Variants in HECW1 observed in about 807,000 individuals in gnomAD.
HECW1 encodes HECT, C2 and WW domain containing E3 ubiquitin protein ligase 1, also known as E3 ubiquitin-protein ligase HECW1.
Under a neutral mutation model 182.3 loss-of-function variants are expected in HECW1, and 61 were observed. That is an observed-to-expected ratio of 0.33 (90% confidence interval 0.27 to 0.41). The LOEUF is 0.41. Ranked by LOEUF, HECW1 falls within the 10% of genes least tolerant of loss-of-function variation. HECW1 has a pLI of 1.00. For missense variants in HECW1, 1,739 were observed against 2,108.9 expected, an observed-to-expected ratio of 0.82 and a Z score of 3.44; for synonymous variants, 859 against 832.6, an observed-to-expected ratio of 1.03 and a Z score of -0.55.
In HECW1 at chr7:43,536,839, C is replaced by T. The variant is rs529473622; in HGVS notation, c.4020-4324C>T. Among the ~76,000 whole-genome samples, 10 of 152,312 alleles carry T rather than the reference C, an allele frequency of 6.6e-5. No individual in the cohort carries two copies. In the East Asian group the frequency reaches 1.5e-3, roughly 23 times the overall value. ...GGGCCCAGGCAACTCCTCCGCGAGG[C>T]CCCTCTAAGACAGCAGGACAACACG... On this transcript the variant is annotated intron_variant, in intron 24 of 29. Coordinates refer to ENST00000395891, the MANE Select transcript of HECW1 (RefSeq NM_015052.5).
At chr7:43,199,582 A>G (rs1794845492) in intron 2 of HECW1, among the ~76,000 whole-genome samples, 1 of 152,180 alleles carries the variant, frequency 6.6e-6, no homozygotes, top group African/African-American at 2.4e-5. Flanking sequence ...GTCAACAAAA[A>G]TAAGTACATA....
At chr7:43,141,750 G>A (rs1378185489) in intron 2 of HECW1, among the ~76,000 whole-genome samples, 13 of 152,086 alleles carry the variant, frequency 8.5e-5, no homozygotes, top group African/African-American at 1.7e-4. Context: ...CGCCAGCCTC[G>A]GCCTCCCAAA....
At chr7:43,364,093 A>G in intron 6 of HECW1, among the ~76,000 whole-genome samples, 1 of 152,190 alleles carries the variant, frequency 6.6e-6, no homozygotes, top group Admixed American at 6.5e-5. Context: ...GTTGCTGTGT[A>G]TTGCCATTAT....
rs186145869 is a variant in HECW1, at chr7:43,561,206, C to T, written c.4710-609C>T. The stretch of plus-strand genomic sequence containing the variant: ...AAGCACATGAAGCAAGCTAGAACCC[C>T]GGGCGCCAGGACACTCCAGGCATCC... On this transcript the variant is annotated intron_variant, in intron 29 of 29. Coordinates refer to ENST00000395891, the MANE Select transcript of HECW1 (RefSeq NM_015052.5). 5.1e-3 allele frequency among the ~76,000 whole-genome samples: 773 copies of T among 152,304 alleles called. 8 individuals are homozygous for T. Among genetic ancestry groups the T allele is most frequent in the South Asian group, 7.0e-3 (34 of 4,824 alleles).
chr7:43,279,308 A>G (rs1803585820), intron 3 of HECW1, among the ~76,000 whole-genome samples: 1 of 152,178 alleles, frequency 6.6e-6, no homozygotes, highest in South Asian at 2.1e-4. Flanking sequence ...AGGGTGTGGG[A>G]GGGATTACCT....
At chr7:43,441,922 G>A (rs535343586) in intron 9 of HECW1, among the ~76,000 whole-genome samples, 57 of 152,318 alleles carry the variant, frequency 3.7e-4, no homozygotes, top group African/African-American at 1.3e-3. Flanking sequence ...TTAGAATACA[G>A]ACAGTCCGTT....
chr7:43,274,211 C>A, intron 3 of HECW1: 2 of 552,486 alleles, frequency 3.6e-6, no homozygotes, highest in South Asian at 5.4e-5. Context: ...TCTCTTTGCC[C>A]ACCCCCAAAT....
At chr7:43,493,233 C>T in intron 19 of HECW1, 53 bp downstream of exon 19, 1 of 1,248,094 alleles carries the variant, frequency 8.0e-7, no homozygotes, top group South Asian at 1.2e-5. Context: ...GCCATTTTTC[C>T]CGGTGGGAAA....
Position 43,563,496 on chromosome 7 carries a change from C to T in HECW1, c.*1570C>T, listed in dbSNP as rs536366292. 28 of 196,908 alleles carry T rather than the reference C, an allele frequency of 1.4e-4. No individual in the cohort carries two copies. Among genetic ancestry groups the T allele is most frequent in the Admixed American group, 8.5e-4 (14 of 16,480 alleles). The allele number at this position is 196,908 out of a possible 1,614,324, so 12.2% of individuals were successfully genotyped here. On this transcript the variant is annotated 3_prime_UTR_variant, in exon 30 of 30. Transcript: ENST00000395891. ...ATTAAAACAAGGGAGAAATGTAAGA[C>T]GAAGTGAATTTCATATGAAGCCAAT...
intron 4 of HECW1, among the ~76,000 whole-genome samples, chr7:43,317,809 TTGTGTGTGTG>T (rs3032881): frequency 0.039 from 5,517 of 142,566 alleles, 304 homozygotes; most frequent in African/African-American, 0.13. Context: ...TTTCTCATTA[TTGTGTGTGTG>T]TGTGTGTGTG....
intron 4 of HECW1, among the ~76,000 whole-genome samples, chr7:43,317,235 G>C (rs531477631): frequency 1.9e-4 from 29 of 152,302 alleles, no homozygotes; most frequent in African/African-American, 7.0e-4. Flanking sequence ...AACAGGCAGT[G>C]GGGGTGGGGG....
chr7:43,307,264 G>A (rs1450413773), intron 3 of HECW1, among the ~76,000 whole-genome samples: 3 of 152,140 alleles, frequency 2.0e-5, no homozygotes, highest in African/African-American at 7.2e-5. Context: ...AAATTACAGT[G>A]TTATTGAAAC....
At chr7:43,235,629 A>C (rs369228101) in intron 2 of HECW1, among the ~76,000 whole-genome samples, 1 of 152,326 alleles carries the variant, frequency 6.6e-6, no homozygotes, top group East Asian at 1.9e-4. Context: ...GGATGGGATA[A>C]CTTAATGTGC....
Position 43,565,097 on chromosome 7 carries a change from G to A in HECW1, c.*3171G>A, listed in dbSNP as rs1207325409. 5.1e-6 allele frequency: 1 copy of A among 195,648 alleles called. No individual in the cohort carries two copies. The highest frequency in any genetic ancestry group is 2.3e-5 in the African/African-American group (1 of 43,218). 12.1% of individuals were successfully genotyped at this position (195,648 alleles called of 1,614,324 possible). A position where few individuals can be genotyped will look rare whatever the true frequency, so the allele number is the denominator to read the frequency against. ...TATAAAGTGTTATAATAATTTCATG[G>A]ATATCACAAATGTTTTATTCTACAG... On this transcript the variant is annotated 3_prime_UTR_variant, in exon 30 of 30. Coordinates refer to ENST00000395891, the MANE Select transcript of HECW1 (RefSeq NM_015052.5).
intron 2 of HECW1, among the ~76,000 whole-genome samples, chr7:43,166,502 G>A (rs376006171): frequency 6.6e-6 from 1 of 152,106 alleles, no homozygotes; most frequent in Non-Finnish European, 1.5e-5. Flanking sequence ...GATGGATGAG[G>A]GAAGGCTGAC....
At position 43,564,851 on chromosome 7, in the gene HECW1, A is replaced by G. The variant is rs552083410; in HGVS notation, c.*2925A>G. 6.0e-5 allele frequency: 11 copies of G among 183,926 alleles called. No individual in the cohort carries two copies. In the South Asian group the frequency reaches 2.2e-3, roughly 36 times the overall value. The allele number at this position is 183,926 out of a possible 1,614,324, so 11.4% of individuals were successfully genotyped here. A position where few individuals can be genotyped will look rare whatever the true frequency, so the allele number is the denominator to read the frequency against. On this transcript the variant is annotated 3_prime_UTR_variant, in exon 30 of 30. Transcript: ENST00000395891. ...ACCACCTTAAATTATATAGTTCGGC[A>G]GAAAGACAGATCTATTTGTTACCAC...
intron 1 of HECW1, among the ~76,000 whole-genome samples, chr7:43,113,221 A>T (rs1784772342): frequency 6.6e-6 from 1 of 151,890 alleles, no homozygotes; most frequent in South Asian, 2.1e-4. Context: ...GAAGCCCCCA[A>T]GCGGGTTCGC....
intron 14 of HECW1, among the ~76,000 whole-genome samples, chr7:43,465,375 C>T (rs375297108): frequency 1.3e-5 from 2 of 152,292 alleles, no homozygotes; most frequent in East Asian, 3.9e-4. Context: ...GGGTCAGCTG[C>T]GGAGTCGGCC....
intron 3 of HECW1, among the ~76,000 whole-genome samples, chr7:43,302,830 G>T (rs966708524): frequency 2.0e-5 from 3 of 152,190 alleles, no homozygotes; most frequent in Admixed American, 6.5e-5. Context: ...GGAAGAAACA[G>T]TATTTCCTAA....
Sources: gnomAD v4.1 joint callset for allele counts (sites outside exome capture counted in the v4.1 genomes callset) on GRCh38, gnomAD v4.1.1 for gene constraint, MANE v1.5 for transcripts, NCBI Gene and HGNC (gene_info 2026-07-23, HGNC 2026-07-21) for gene names.